The following CFDP1 variants were observed in gnomAD, a reference collection of about 807,000 sequenced individuals.
The protein encoded by CFDP1 is chromatin remodeling protein CFDP1.
In CFDP1, 31 loss-of-function variants were observed where a neutral mutation model predicts 40.1. The ratio of observed to expected loss-of-function variants is 0.77; its 90% CI spans 0.58 to 1.04. The LOEUF is 1.04. Ranked by LOEUF, CFDP1 falls within the 50% of genes least tolerant of loss-of-function variation. The probability of loss-of-function intolerance (pLI) is 0.00; values close to 1 mark genes in which losing one functional copy is unlikely to be tolerated. For synonymous variants in CFDP1, 167 were observed against 120.0 expected (o/e 1.39, Z -2.56); for missense variants, 423 against 343.4 (o/e 1.23, Z -1.83).
chr16:75,401,590 A>T (rs2079054986), intron 4 of CFDP1, among the ~76,000 whole-genome samples: 1 of 151,956 alleles, frequency 6.6e-6, no homozygotes, highest in East Asian at 1.9e-4. Context: ...ACAAGGTGCG[A>T]CTCCGTCTCA....
intron 4 of CFDP1, among the ~76,000 whole-genome samples, chr16:75,397,110 T>G (rs1282160045): frequency 6.6e-6 from 1 of 151,624 alleles, no homozygotes; most frequent in Non-Finnish European, 1.5e-5. Context: ...GAGATGGGGT[T>G]TCACCGTGTT....
At chr16:75,318,364 T>C (rs1366653600) in intron 5 of CFDP1, among the ~76,000 whole-genome samples, 4 of 151,980 alleles carry the variant, frequency 2.6e-5, no homozygotes, top group African/African-American at 4.8e-5. Context: ...TGGTGTGTTG[T>C]TTGGCTGACT....
chr16:75,314,018 G>A (rs1718559650), intron 5 of CFDP1, among the ~76,000 whole-genome samples: 1 of 152,126 alleles, frequency 6.6e-6, no homozygotes, highest in African/African-American at 2.4e-5. Context: ...CCGAGTAGCT[G>A]GGGTTACAGG....
intron 5 of CFDP1, among the ~76,000 whole-genome samples, chr16:75,392,938 T>G (rs1445353392): frequency 6.6e-6 from 1 of 152,240 alleles, no homozygotes; most frequent in East Asian, 1.9e-4. Flanking sequence ...CTACATGACT[T>G]CTGCTCAGTG....
At chr16:75,355,467 G>A (rs2078639377) in intron 5 of CFDP1, among the ~76,000 whole-genome samples, 1 of 152,172 alleles carries the variant, frequency 6.6e-6, no homozygotes, top group East Asian at 1.9e-4. Context: ...TTCACCAGGA[G>A]TAGATTCCAT....
intron 5 of CFDP1, among the ~76,000 whole-genome samples, chr16:75,312,130 A>G (rs2078296675): frequency 6.6e-6 from 1 of 152,172 alleles, no homozygotes; most frequent in Admixed American, 6.6e-5. Flanking sequence ...GGCAAATTTC[A>G]CTACTCACCT....
chr16:75,412,843 C>A, intron 2 of CFDP1, 89 bp from the exon 3 acceptor site: 1 of 998,634 alleles, frequency 1.0e-6, no homozygotes, highest in Non-Finnish European at 1.5e-6. Flanking sequence ...ATCTTATAAA[C>A]CCAAGAACAC....
chr16:75,431,789 C>G (rs967735633), intron 1 of CFDP1, among the ~76,000 whole-genome samples: 2 of 152,080 alleles, frequency 1.3e-5, no homozygotes, highest in African/African-American at 4.8e-5. Context: ...AAAAATGATA[C>G]CTACTATACA....
At chr16:75,317,675 A>G (rs1203813028) in intron 5 of CFDP1, among the ~76,000 whole-genome samples, 1 of 152,228 alleles carries the variant, frequency 6.6e-6, no homozygotes, top group Non-Finnish European at 1.5e-5. Flanking sequence ...AAAGACCATA[A>G]TGACAACTTT....
intron 1 of CFDP1, 129 bp downstream of exon 1, chr16:75,433,160 G>T: frequency 1.2e-6 from 1 of 806,950 alleles, no homozygotes; most frequent in Non-Finnish European, 1.9e-6. Flanking sequence ...CTGAGGGAGC[G>T]GACGCTCGAG....
At chr16:75,385,046 T>G (rs2078883942) in intron 5 of CFDP1, among the ~76,000 whole-genome samples, 1 of 151,604 alleles carries the variant, frequency 6.6e-6, no homozygotes, top group African/African-American at 2.4e-5. Flanking sequence ...AAATAAACCT[T>G]GATAGGTATT....
chr16:75,303,633 A>G (rs906075828), intron 6 of CFDP1, among the ~76,000 whole-genome samples: 6 of 152,084 alleles, frequency 3.9e-5, no homozygotes, highest in African/African-American at 1.4e-4. Flanking sequence ...GTTTGAGACC[A>G]GCCTGGGCAA....
intron 5 of CFDP1, among the ~76,000 whole-genome samples, chr16:75,344,925 A>G (rs953697048): frequency 2.0e-5 from 3 of 152,034 alleles, no homozygotes; most frequent in African/African-American, 7.2e-5. Context: ...GAGGGAGACT[A>G]CATCTCAAAA....
At chr16:75,309,489 T>C (rs1338444988) in intron 5 of CFDP1, among the ~76,000 whole-genome samples, 2 of 151,740 alleles carry the variant, frequency 1.3e-5, no homozygotes, top group Non-Finnish European at 2.9e-5. Flanking sequence ...AACTGTAGAA[T>C]GGGGAAGTCA....
At chr16:75,354,458 A>G (rs1022902624) in intron 5 of CFDP1, among the ~76,000 whole-genome samples, 1 of 152,148 alleles carries the variant, frequency 6.6e-6, no homozygotes, top group Non-Finnish European at 1.5e-5. Flanking sequence ...CCTTAAAGTC[A>G]TATGAGCATG....
chr16:75,361,389 G>T (rs752206732), intron 5 of CFDP1, among the ~76,000 whole-genome samples: 9 of 152,126 alleles, frequency 5.9e-5, no homozygotes, highest in Non-Finnish European at 1.2e-4. Flanking sequence ...GGCCGAGGCA[G>T]GTGGATCACT....
At chr16:75,376,518 T>A (rs2078798213) in intron 5 of CFDP1, among the ~76,000 whole-genome samples, 1 of 152,156 alleles carries the variant, frequency 6.6e-6, no homozygotes, top group Non-Finnish European at 1.5e-5. Flanking sequence ...TTGATTTCCA[T>A]GACGTTCTGG....
intron 6 of CFDP1, among the ~76,000 whole-genome samples, chr16:75,294,312 GAAGA>G (rs1294765798): frequency 3.3e-5 from 5 of 152,212 alleles, no homozygotes; most frequent in Non-Finnish European, 1.5e-5. Flanking sequence ...TTTAAGGGCA[GAAGA>G]AAGAATACCG....
At chr16:75,386,923 C>T (rs2078903093) in intron 5 of CFDP1, among the ~76,000 whole-genome samples, 1 of 152,124 alleles carries the variant, frequency 6.6e-6, no homozygotes, top group Admixed American at 6.6e-5. Context: ...AATGAAATTG[C>T]CTTTAATAGA....
Sources: gnomAD v4.1 joint callset for allele counts (sites outside exome capture counted in the v4.1 genomes callset) on GRCh38, gnomAD v4.1.1 for gene constraint, MANE v1.5 for transcripts, NCBI Gene and HGNC (gene_info 2026-07-23, HGNC 2026-07-21) for gene names.